NCALD: variants seen among roughly 807,000 people sequenced by gnomAD.
NCALD encodes the protein neurocalcin delta, also known as neurocalcin-delta.
A neutral mutation model predicts 18.6 loss-of-function variants in NCALD; 10 were observed. The ratio of observed to expected loss-of-function variants is 0.54; its 90% confidence interval spans 0.33 to 0.91. The LOEUF (loss-of-function observed/expected upper bound fraction) is 0.91, where lower values mean the gene tolerates loss of function less well. NCALD is among the 40% of genes least tolerant of loss of function. The pLI is 0.03. For synonymous variants in NCALD, 88 were observed against 87.4 expected (o/e 1.01, Z -0.04); for missense variants, 184 against 247.6 (o/e 0.74, Z 1.72).
chr8:101,988,172 A>T (rs1175021011), intron 2 of NCALD, among the ~76,000 whole-genome samples: 1 of 151,438 alleles, frequency 6.6e-6, no homozygotes, highest in Non-Finnish European at 1.5e-5. Flanking sequence ...AAAAAAGAAA[A>T]AAAAAAAGAA....
chr8:102,003,553 C>A (rs1821566113), intron 2 of NCALD, among the ~76,000 whole-genome samples: 2 of 152,140 alleles, frequency 1.3e-5, no homozygotes, highest in African/African-American at 4.8e-5. Flanking sequence ...ATCCTGATAC[C>A]AAAGCCTGGC....
chr8:101,735,229 T>C (rs1403610980), intron 1 of NCALD, among the ~76,000 whole-genome samples: 1 of 152,154 alleles, frequency 6.6e-6, no homozygotes, highest in Non-Finnish European at 1.5e-5. Context: ...AGGGAGCCGA[T>C]CTATTAAACT....
intron 2 of NCALD, among the ~76,000 whole-genome samples, chr8:101,989,939 C>G (rs555447439): frequency 6.6e-5 from 10 of 152,308 alleles, no homozygotes. Context: ...GGGGTTAACA[C>G]AGCCTTTCAC....
chr8:101,952,694 A>C (rs932614285), intron 2 of NCALD, among the ~76,000 whole-genome samples: 5 of 151,606 alleles, frequency 3.3e-5, no homozygotes, highest in Admixed American at 3.3e-4. Flanking sequence ...AAGGAGAAAG[A>C]TAGAAACACA....
intron 2 of NCALD, among the ~76,000 whole-genome samples, chr8:101,930,750 T>C (rs1818543574): frequency 6.6e-6 from 1 of 152,108 alleles, no homozygotes; most frequent in Non-Finnish European, 1.5e-5. Flanking sequence ...CTAAAATACT[T>C]CCCAGAGATA....
chr8:101,953,806 A>T (rs1236448836), intron 2 of NCALD, among the ~76,000 whole-genome samples: 1 of 152,240 alleles, frequency 6.6e-6, no homozygotes, highest in Non-Finnish European at 1.5e-5. Context: ...ATCAAAACTG[A>T]GGGGGTAATG....
chr8:102,038,024 C>T (rs1586961474), intron 1 of NCALD, among the ~76,000 whole-genome samples: 2 of 152,244 alleles, frequency 1.3e-5, no homozygotes, highest in South Asian at 2.1e-4. Flanking sequence ...TAAGTCATCT[C>T]AGTTTATCAG....
intron 2 of NCALD, among the ~76,000 whole-genome samples, chr8:101,700,930 G>T (rs2130131470): frequency 6.6e-6 from 1 of 152,310 alleles, no homozygotes; most frequent in Middle Eastern, 3.4e-3. Flanking sequence ...GTGTGTTGTG[G>T]GTTTGAGGAG....
intron 4 of NCALD, among the ~76,000 whole-genome samples, chr8:101,883,969 T>C (rs1245225745): frequency 6.6e-6 from 1 of 152,242 alleles, no homozygotes; most frequent in Non-Finnish European, 1.5e-5. Flanking sequence ...AGGACTCATT[T>C]CCTGTTATAA....
At chr8:101,861,747 A>G (rs1476495900) in intron 4 of NCALD, among the ~76,000 whole-genome samples, 1 of 152,152 alleles carries the variant, frequency 6.6e-6, no homozygotes, top group East Asian at 1.9e-4. Flanking sequence ...TGCATTTCTC[A>G]TATGTATGAT....
intron 4 of NCALD, among the ~76,000 whole-genome samples, chr8:101,878,356 T>C (rs191938334): frequency 3.9e-5 from 6 of 152,362 alleles, no homozygotes; most frequent in Non-Finnish European, 7.4e-5. Flanking sequence ...ACTAACTCCA[T>C]GTGATTCTCA....
chr8:102,003,365 C>A (rs887269247), intron 2 of NCALD, among the ~76,000 whole-genome samples: 2 of 152,134 alleles, frequency 1.3e-5, no homozygotes, highest in African/African-American at 4.8e-5. Flanking sequence ...CAATAACAGG[C>A]TCTGAAATTG....
At chr8:101,967,684 G>A (rs1370096869) in intron 2 of NCALD, among the ~76,000 whole-genome samples, 1 of 152,162 alleles carries the variant, frequency 6.6e-6, no homozygotes, top group Non-Finnish European at 1.5e-5. Flanking sequence ...ATCAATGCCA[G>A]CAAGAGTTCT....
intron 1 of NCALD, among the ~76,000 whole-genome samples, chr8:101,726,233 C>G (rs1816568161): frequency 6.6e-6 from 1 of 152,090 alleles, no homozygotes; most frequent in Admixed American, 6.6e-5. Context: ...TGAAGCTGAG[C>G]CAGTGTAGGG....
At chr8:102,055,015 G>A (rs1226957899) in intron 1 of NCALD, among the ~76,000 whole-genome samples, 1 of 152,072 alleles carries the variant, frequency 6.6e-6, no homozygotes, top group Non-Finnish European at 1.5e-5. Context: ...GCTGGTGTGA[G>A]TAGAGATGGT....
At chr8:101,866,234 C>T (rs577756) in intron 4 of NCALD, among the ~76,000 whole-genome samples, 39,826 of 152,096 alleles carry the variant, frequency 0.26, 5,627 homozygotes, top group East Asian at 0.38. Flanking sequence ...TTTCTTCTTC[C>T]TACCTTCCCA....
chr8:102,100,703 T>A (rs181556938), intron 1 of NCALD, among the ~76,000 whole-genome samples: 233 of 152,298 alleles, frequency 1.5e-3, no homozygotes, highest in Non-Finnish European at 4.6e-4. Flanking sequence ...ATACATACAG[T>A]GAGACATTAT....
intron 1 of NCALD, among the ~76,000 whole-genome samples, chr8:102,025,241 A>C (rs1164165193): frequency 6.6e-6 from 1 of 152,186 alleles, no homozygotes; most frequent in Admixed American, 6.5e-5. Context: ...TATTTGGCTT[A>C]AGGTCAATGT....
At chr8:101,971,342 C>G (rs1236077789) in intron 2 of NCALD, among the ~76,000 whole-genome samples, 2 of 152,018 alleles carry the variant, frequency 1.3e-5, no homozygotes, top group South Asian at 4.2e-4. Context: ...TGTGTCCAAA[C>G]CCAAATCTCA....
Sources: allele counts gnomAD v4.1 joint callset (sites outside exome capture counted in the v4.1 genomes callset), GRCh38; gene constraint gnomAD v4.1.1; transcripts MANE v1.5; gene names NCBI Gene and HGNC (gene_info 2026-07-23, HGNC 2026-07-21).